CDK11A: variants seen among roughly 807,000 people sequenced by gnomAD.
The protein encoded by CDK11A is cyclin-dependent kinase 11A.
Under a neutral mutation model 83.6 loss-of-function variants are expected in CDK11A, and 55 were observed. The observed-to-expected ratio is 0.66, with a 90% CI of 0.53 to 0.82. CDK11A has a LOEUF of 0.82. CDK11A is among the 40% of genes least tolerant of loss of function. The pLI, the probability that CDK11A is intolerant of heterozygous loss-of-function variation, is 0.00. For synonymous variants in CDK11A, 247 were observed against 302.7 expected (o/e 0.82, Z 1.91); for missense variants, 564 against 810.1 (o/e 0.70, Z 3.69).
intron 5 of CDK11A, among the ~76,000 whole-genome samples, chr1:1,715,938 CCTT>C (rs1194871617): frequency 6.6e-6 from 1 of 150,858 alleles, no homozygotes; most frequent in Non-Finnish European, 1.5e-5. Context: ...TCTCCCTTCT[CCTT>C]TTTTTGAGAC....
chr1:1,708,535 G>A (rs1644408544), intron 9 of CDK11A, among the ~76,000 whole-genome samples: 1 of 123,820 alleles, frequency 8.1e-6, no homozygotes, highest in Non-Finnish European at 1.8e-5. Context: ...CAGCTACTTG[G>A]GAGGCTGAGG....
At chr1:1,716,709 G>A (rs1053968658) in intron 4 of CDK11A, among the ~76,000 whole-genome samples, 17 of 148,610 alleles carry the variant, frequency 1.1e-4, no homozygotes, top group Admixed American at 2.1e-4. Flanking sequence ...AGGTACTAAG[G>A]GAGGCTGAGG....
chr1:1,715,949 GAC>G (rs1644621811), intron 5 of CDK11A, among the ~76,000 whole-genome samples: 1 of 150,666 alleles, frequency 6.6e-6, no homozygotes, highest in Admixed American at 6.6e-5. Flanking sequence ...CTTTTTTTGA[GAC>G]AGTCTCACTC....
rs1477714270 is a variant in CDK11A, at chr1:1,702,991, G to A, written c.2259C>T (p.Asp753=). The A allele has an allele frequency of 2.4e-5, 11 of 455,806 alleles. 1 individual carries two copies. The highest frequency in any genetic ancestry group is 1.9e-4 in the African/African-American group (5 of 25,886). 28.2% of individuals were successfully genotyped at this position (455,806 alleles called of 1,614,324 possible). A position where few individuals can be genotyped will look rare whatever the true frequency, so the allele number is the denominator to read the frequency against. The change falls in exon 20 of 20, where the codon GAC becomes GAT. Residue 753 remains aspartate, a synonymous_variant. Coordinates refer to ENST00000404249, the MANE Select transcript of CDK11A (RefSeq NM_024011.4). ...GGLGYSQLGD[D]DLKETGFHLT... ...GGTGGAAGCCCGTCTCCTTCAGGTCGTCGTCACCCTGGGACGAGTCGGCTA... is the reference window on the plus strand; with the variant it reads ...GGTGGAAGCCCGTCTCCTTCAGGTCATCGTCACCCTGGGACGAGTCGGCTA...
At chr1:1,720,068 C>T (rs1644846050) in intron 3 of CDK11A, among the ~76,000 whole-genome samples, 2 of 150,654 alleles carry the variant, frequency 1.3e-5, no homozygotes, top group African/African-American at 4.9e-5. Context: ...TACATCACAT[C>T]TTATTTATTT....
In CDK11A at chr1:1,704,539, C is replaced by T. The variant is rs370754193; in HGVS notation, c.1564+11G>A. ...CTTGTACGCAGACAGGACCCCGGGG[C>T]GCGGCTGTACCTGGCAGGAAGGGCT... is the stretch of plus-strand genomic sequence containing the variant. On this transcript the variant is annotated intron_variant, in intron 14 of 19. Coordinates refer to ENST00000404249, the MANE Select transcript of CDK11A (RefSeq NM_024011.4). The T allele has an allele frequency of 1.9e-5, 30 of 1,603,738 alleles. 1 individual carries two copies. Among genetic ancestry groups the T allele is most frequent in the Middle Eastern group, 3.3e-4 (2 of 6,018 alleles).
At chr1:1,721,538 G>C (rs1570440894) in intron 3 of CDK11A, 58 bp downstream of exon 3, 2 of 1,563,202 alleles carry the variant, frequency 1.3e-6, no homozygotes, top group East Asian at 2.3e-5. Context: ...CCCTAGGAAG[G>C]ACTGGCCAGG....
chr1:1,703,713 G>T (rs1297717281), intron 17 of CDK11A, 89 bp from the exon 18 acceptor site: 2 of 1,535,340 alleles, frequency 1.3e-6, no homozygotes, highest in Non-Finnish European at 8.8e-7. Context: ...CCACCAGGAG[G>T]GCTCTCAGTG....
Position 1,719,173 on chromosome 1 carries a change from T to C in CDK11A, c.355+155A>G, listed in dbSNP as rs566998280. ...CATGCATGCTTTCAGCTATTCTCTC[T>C]ATAGCCCTTCTGAACGGTCTGTGAC... On this transcript the variant is annotated intron_variant, in intron 4 of 19. Transcript: ENST00000404249. 1.6e-4 allele frequency: 89 copies of C among 573,394 alleles called. 4 individuals carry two copies. The highest frequency in any genetic ancestry group is 5.7e-4 in the Admixed American group (13 of 22,622). The allele number at this position is 573,394 out of a possible 1,614,324, so 35.5% of individuals were successfully genotyped here.
In CDK11A at chr1:1,704,910, G is replaced by T. The variant is rs777698249; in HGVS notation, c.1452C>A (p.Thr484=). The T allele has an allele frequency of 1.3e-6, 2 of 1,597,244 alleles. No individual in the cohort carries two copies. Among genetic ancestry groups the T allele is most frequent in the Non-Finnish European group, 1.7e-6 (2 of 1,172,864 alleles). The change falls in exon 13 of 20, where the codon ACC becomes ACA. Residue 484 remains threonine (T), a synonymous_variant. Coordinates refer to ENST00000404249, the MANE Select transcript of CDK11A (RefSeq NM_024011.4). ...GTGGTGGGGCCATGCTCACTCTAAC[G>T]GTGACAATGTTGGGATGCTGGGCCT... ...ILKAQHPNIV[T]VREIVVGSNM...
chr1:1,704,057 C>G lies in CDK11A; in HGVS notation c.1776G>C (p.Glu592Asp). The G allele has an allele frequency of 1.3e-6, 2 of 1,595,718 alleles. No homozygotes were observed. Among genetic ancestry groups the G allele is most frequent in the Non-Finnish European group, 8.6e-7 (1 of 1,168,826 alleles). Residue 592 changes from glutamate to aspartate, a missense_variant, in exon 16 of 20, where the codon GAG becomes GAC. Transcript: ENST00000404249. ...GACTCACCTTGGCACCAAGCAGCAG[C>G]TCTGGGGCGCGGTACCACTGGGTCA... ...VVVTQWYRAP[E>D]LLLGAKEYST... is the part of the protein sequence containing the mutation.
At chr1:1,717,648 ACACG>A (rs1644719791) in intron 4 of CDK11A, among the ~76,000 whole-genome samples, 6 of 48,346 alleles carry the variant, frequency 1.2e-4, no homozygotes, top group Non-Finnish European at 2.3e-4. Context: ...GGTCTGTGAC[ACACG>A]CATGCTTTCA....
rs1026370405 is a variant in CDK11A, at chr1:1,715,709, C to T, written c.488+637G>A. ...GCTTCAGACTCCTCTCTTCCTGGAG[C>T]AGCTTGCAAGCTTTCTGTGGACTCA... On this transcript the variant is annotated intron_variant, in intron 5 of 19. Coordinates refer to ENST00000404249, the MANE Select transcript of CDK11A (RefSeq NM_024011.4). Among the ~76,000 whole-genome samples the T allele has an allele frequency of 5.0e-4, 76 of 151,312 alleles. 3 individuals carry two copies. The highest frequency in any genetic ancestry group is 9.6e-4 in the Non-Finnish European group (65 of 67,736).
intron 2 of CDK11A, chr1:1,722,415 G>C (rs1369555051): frequency 4.3e-5 from 24 of 560,812 alleles, no homozygotes; most frequent in Non-Finnish European, 7.2e-5. Context: ...AAAATACTTA[G>C]AGATAGTATT....
intron 9 of CDK11A, among the ~76,000 whole-genome samples, 170 bp from the exon 10 acceptor site, chr1:1,708,415 T>C: frequency 6.7e-6 from 1 of 148,858 alleles, no homozygotes; most frequent in African/African-American, 2.5e-5. Context: ...CCGAGGCGGG[T>C]GGATCACCTG....
intron 2 of CDK11A, chr1:1,721,976 C>T (rs1461996186): frequency 6.2e-6 from 2 of 320,084 alleles, no homozygotes; most frequent in Non-Finnish European, 1.2e-5. Context: ...ACGGAGAGAC[C>T]CCATCTCTAC....
intron 9 of CDK11A, 67 bp downstream of exon 9, chr1:1,708,727 A>C (rs1209627871): frequency 6.8e-7 from 1 of 1,472,478 alleles, no homozygotes; most frequent in Non-Finnish European, 9.2e-7. Flanking sequence ...CCCGCCAGCT[A>C]CTTCTCTGCG....
At chr1:1,715,719 G>A (rs569510921) in intron 5 of CDK11A, among the ~76,000 whole-genome samples, 1 of 151,422 alleles carries the variant, frequency 6.6e-6, no homozygotes, top group South Asian at 2.1e-4. Flanking sequence ...CAGCTTGCAA[G>A]CTTTCTGTGG....
At chr1:1,720,756 A>G (rs1260434208) in intron 3 of CDK11A, among the ~76,000 whole-genome samples, 2 of 149,040 alleles carry the variant, frequency 1.3e-5, no homozygotes, top group East Asian at 2.0e-4. Context: ...CAGAGGCACA[A>G]TCTTGGCTCA....
Sources: allele counts gnomAD v4.1 joint callset (sites outside exome capture counted in the v4.1 genomes callset), GRCh38; gene constraint gnomAD v4.1.1; transcripts MANE v1.5; gene names NCBI Gene and HGNC (gene_info 2026-07-23, HGNC 2026-07-21).